TMEM132D: variants seen among roughly 807,000 people sequenced by gnomAD.
TMEM132D encodes the protein mature OL transmembrane protein.
In TMEM132D, 21 loss-of-function variants were observed where a neutral mutation model predicts 62.3. That is an observed-to-expected ratio of 0.34 (90% CI 0.24 to 0.49). The LOEUF (loss-of-function observed/expected upper bound fraction) is 0.49. Among genes scored for constraint, TMEM132D ranks in the 20% least tolerant of loss-of-function variants. The probability of loss-of-function intolerance (pLI) is 0.99; values close to 1 mark genes in which losing one functional copy is unlikely to be tolerated. For synonymous variants in TMEM132D, 621 were observed against 575.6 expected, an observed-to-expected ratio of 1.08 and a Z score of -1.13; for missense variants, 1,346 against 1,402.8, an observed-to-expected ratio of 0.96 and a Z score of 0.65.
intron 2 of TMEM132D, among the ~76,000 whole-genome samples, chr12:129,561,113 C>T (rs1877213631): frequency 6.6e-6 from 1 of 152,050 alleles, no homozygotes; most frequent in Non-Finnish European, 1.5e-5. Flanking sequence ...AAATTGGGGA[C>T]TTAATTTGGT....
chr12:129,492,533 C>A (rs932936356), intron 3 of TMEM132D, among the ~76,000 whole-genome samples: 3 of 152,104 alleles, frequency 2.0e-5, no homozygotes, highest in East Asian at 3.9e-4. Flanking sequence ...TCACATTGCA[C>A]ACTCCACCCA....
At chr12:129,819,702 T>G (rs1872490116) in intron 1 of TMEM132D, among the ~76,000 whole-genome samples, 1 of 152,192 alleles carries the variant, frequency 6.6e-6, no homozygotes, top group African/African-American at 2.4e-5. Context: ...ACGTAGTTAG[T>G]GCTAAGTGTT....
In TMEM132D at chr12:129,377,445, A is replaced by T. The variant is rs367785958; in HGVS notation, c.1116-39628T>A. 6.6e-5 allele frequency among the ~76,000 whole-genome samples: 10 copies of T among 152,318 alleles called. No individual in the cohort carries two copies. The South Asian group carries it at 1.2e-3, about 19-fold the overall frequency. On this transcript the variant is annotated intron_variant, in intron 3 of 8. Transcript: ENST00000422113. The stretch of plus-strand genomic sequence containing the variant: ...TGTGAGTCAAGGGGAGGTCTTAGAG[A>T]AGAGCATTCCAGGCTTTGAAAAAAG...
chr12:129,487,314 A>G (rs1012811208), intron 3 of TMEM132D, among the ~76,000 whole-genome samples: 9 of 152,226 alleles, frequency 5.9e-5, no homozygotes, highest in Non-Finnish European at 8.8e-5. Context: ...ACACTGTGGT[A>G]CGATGTTTGG....
intron 1 of TMEM132D, among the ~76,000 whole-genome samples, chr12:129,883,870 C>A (rs1288248708): frequency 1.3e-5 from 2 of 152,184 alleles, no homozygotes; most frequent in African/African-American, 2.4e-5. Flanking sequence ...GACCTATACA[C>A]CCCACCATAC....
chr12:129,144,469 T>C (rs1173505394), intron 5 of TMEM132D, among the ~76,000 whole-genome samples: 1 of 152,192 alleles, frequency 6.6e-6, no homozygotes, highest in East Asian at 1.9e-4. Context: ...AAGCTAGTCA[T>C]GTGGTTAAAG....
chr12:129,363,750 G>T (rs1870322796), intron 3 of TMEM132D, among the ~76,000 whole-genome samples: 1 of 152,188 alleles, frequency 6.6e-6, no homozygotes, highest in Non-Finnish European at 1.5e-5. Context: ...GCTGGTTGAG[G>T]TTAATAGAAT....
chr12:129,540,447 T>C (rs1876553537), intron 2 of TMEM132D, among the ~76,000 whole-genome samples: 1 of 152,070 alleles, frequency 6.6e-6, no homozygotes. Flanking sequence ...TCAATCTGCC[T>C]CTGGGTGTGT....
chr12:129,516,776 C>T lies in TMEM132D; in HGVS notation c.1115+14283G>A, dbSNP rs116558419. ...AATGACCACAAATACAGAGGCTTAA[C>T]ATAATGTGGATTGACTCCTTATAGT... On this transcript the variant is annotated intron_variant, in intron 3 of 8. Coordinates refer to ENST00000422113, the MANE Select transcript of TMEM132D (RefSeq NM_133448.3). Among the ~76,000 whole-genome samples, 1,105 of 152,332 alleles carry T rather than the reference C, an allele frequency of 7.3e-3. 14 individuals are homozygous for T. Among genetic ancestry groups the T allele is most frequent in the African/African-American group, 0.025 (1,031 of 41,568 alleles).
chr12:129,085,831 A>G (rs1243195129), intron 5 of TMEM132D: 1 of 152,232 alleles, frequency 6.6e-6, no homozygotes, highest in African/African-American at 2.4e-5. Context: ...AGCAAGTTCA[A>G]TGTAAGGATT....
At chr12:129,600,271 T>C (rs1300464022) in intron 2 of TMEM132D, among the ~76,000 whole-genome samples, 4 of 152,246 alleles carry the variant, frequency 2.6e-5, no homozygotes, top group Non-Finnish European at 5.9e-5. Context: ...TCTGTTCACA[T>C]TGTGTCATGA....
chr12:129,283,381 G>A (rs771428868), intron 4 of TMEM132D, among the ~76,000 whole-genome samples: 18 of 152,098 alleles, frequency 1.2e-4, no homozygotes, highest in Non-Finnish European at 2.2e-4. Flanking sequence ...TAGTAGAGAC[G>A]GGATTTCACC....
At chr12:129,246,332 G>T (rs1196451528) in intron 4 of TMEM132D, among the ~76,000 whole-genome samples, 1 of 152,302 alleles carries the variant, frequency 6.6e-6, no homozygotes, top group East Asian at 1.9e-4. Context: ...ACGCATGCTG[G>T]CCTAACAGCA....
rs1880954762 is a variant in TMEM132D at position 129,687,296 on chromosome 12, C to CT, written c.968+12513dup. Reference sequence around the variant, plus strand: ...TATGCAGGTACAAATGTCAAATCTCCTTTTTTGGGGGAACAAATTAATGTC... The same window carrying CT: ...TATGCAGGTACAAATGTCAAATCTCCTTTTTTTGGGGGAACAAATTAATGTC... On this transcript the variant is annotated intron_variant, in intron 2 of 8. Coordinates refer to ENST00000422113, the MANE Select transcript of TMEM132D (RefSeq NM_133448.3). Among the ~76,000 whole-genome samples, 5 of 152,074 alleles carry CT rather than the reference C, an allele frequency of 3.3e-5. No individual in the cohort carries two copies. In the South Asian group the frequency reaches 1.0e-3, roughly 32 times the overall value.
intron 1 of TMEM132D, among the ~76,000 whole-genome samples, chr12:129,884,739 A>T (rs118044402): frequency 0.014 from 2,127 of 152,292 alleles, 23 homozygotes; most frequent in Admixed American, 0.031. Flanking sequence ...CACACATCTC[A>T]TGTGACCCCA....
intron 5 of TMEM132D, among the ~76,000 whole-genome samples, chr12:129,148,479 G>C (rs1423673285): frequency 6.6e-6 from 1 of 152,104 alleles, no homozygotes; most frequent in Non-Finnish European, 1.5e-5. Context: ...GTTTTCATGG[G>C]AGGTGCCATG....
chr12:129,597,910 T>C lies in TMEM132D; in HGVS notation c.969-66705A>G, dbSNP rs190777282. On this transcript the variant is annotated intron_variant, in intron 2 of 8. Coordinates refer to ENST00000422113, the MANE Select transcript of TMEM132D (RefSeq NM_133448.3). The stretch of plus-strand genomic sequence containing the variant: ...TATTGGCGGGGGGTGGATGGGGTGA[T>C]GGGTACATTCAAACAGGAGTTTAAA... 4.1e-3 allele frequency among the ~76,000 whole-genome samples: 626 copies of C among 151,914 alleles called. 2 individuals are homozygous for C. The highest frequency in any genetic ancestry group is 0.014 in the African/African-American group (593 of 41,384).
chr12:129,124,250 C>A (rs1164141568), intron 5 of TMEM132D, among the ~76,000 whole-genome samples: 1 of 152,202 alleles, frequency 6.6e-6, no homozygotes, highest in Non-Finnish European at 1.5e-5. Flanking sequence ...CTCTCTTCAT[C>A]TAATGAAGAC....
At chr12:129,653,265 G>A (rs1257523525) in intron 2 of TMEM132D, among the ~76,000 whole-genome samples, 1 of 152,124 alleles carries the variant, frequency 6.6e-6, no homozygotes, top group African/African-American at 2.4e-5. Context: ...TGAGAGGCAG[G>A]CAGAGATCAC....
Sources: gnomAD v4.1 joint callset for allele counts (sites outside exome capture counted in the v4.1 genomes callset) on GRCh38, gnomAD v4.1.1 for gene constraint, MANE v1.5 for transcripts, NCBI Gene and HGNC (gene_info 2026-07-23, HGNC 2026-07-21) for gene names.